SPTBN5: variants seen among roughly 807,000 people sequenced by gnomAD.
The protein encoded by SPTBN5 is spectrin beta, non-erythrocytic 5.
Under a neutral mutation model 477.6 loss-of-function variants are expected in SPTBN5, and 513 were observed. The observed-to-expected ratio is 1.07, with a 90% CI of 1.00 to 1.16. The LOEUF is 1.16. Ranked by LOEUF, SPTBN5 falls within the 50% of genes most tolerant of loss-of-function variation. SPTBN5 has a pLI of 0.00. For synonymous variants in SPTBN5, 2,169 were observed against 2,011.7 expected (o/e 1.08, Z -2.09); for missense variants, 5,062 against 4,731.8 (o/e 1.07, Z -2.05).
chr15:41,882,731 G>A lies in SPTBN5; in HGVS notation c.1900C>T (p.Leu634=). 3 of 1,609,408 alleles carry A rather than the reference G, an allele frequency of 1.9e-6. No individual in the cohort carries two copies. The highest frequency in any genetic ancestry group is 2.2e-5 in the South Asian group (2 of 90,292). ...LVALVRARRA[L]LEQTLQRAEF... Reference sequence around the variant, plus strand: ...GCCCGCTGCAGGGTCTGCTCCAGCAGGGCCCGCCTGAGGGACAATAGGGGC... The same window carrying A: ...GCCCGCTGCAGGGTCTGCTCCAGCAAGGCCCGCCTGAGGGACAATAGGGGC... The change falls in exon 10 of 68, where the codon CTG becomes TTG. Residue 634 remains leucine (L), a synonymous_variant. Transcript: ENST00000320955.
rs763187557 is a variant in SPTBN5 at position 41,853,739 on chromosome 15, C to A, written c.9823G>T (p.Ala3275Ser). 1.9e-6 allele frequency: 3 copies of A among 1,584,554 alleles called. No individual in the cohort carries two copies. The highest frequency in any genetic ancestry group is 3.6e-5 in the Admixed American group (2 of 56,056). The change falls in exon 58 of 68, where the codon GCC becomes TCC. Residue 3275 changes from alanine (A) to serine (S), a missense_variant. Ala to Ser is a moderately conservative substitution (Grantham distance 99). Transcript: ENST00000320955. ...EKEVARLQTE[A>S]CRLGQLHPAA... ...GGATGTAGCTGGCCCAGTCGGCAGG[C>A]CTCCGTCTGTAGCCGTGCCACCTCC...
intron 66 of SPTBN5, 143 bp downstream of exon 66, chr15:41,850,711 G>C: frequency 1.3e-6 from 1 of 752,280 alleles, no homozygotes; most frequent in Non-Finnish European, 2.1e-6. Flanking sequence ...TAAATTCTTT[G>C]AGGAAAAACA....
At chr15:41,858,864 C>G in intron 48 of SPTBN5, 26 bp downstream of exon 48, 1 of 1,555,830 alleles carries the variant, frequency 6.4e-7, no homozygotes, top group Non-Finnish European at 8.7e-7. Flanking sequence ...CCACCATGAC[C>G]GCCTCCCTCT....
In SPTBN5 at chr15:41,857,594, G is replaced by A. The variant is rs2065964436; in HGVS notation, c.8343C>T (p.Ala2781=). 3.1e-6 allele frequency: 5 copies of A among 1,608,946 alleles called. No homozygotes were observed. Among genetic ancestry groups the A allele is most frequent in the African/African-American group, 1.3e-5 (1 of 74,890 alleles). ...TCACCTCACAGGCCTTCTGGAGCTT[G>A]GCCACCTTCTTCTGGGAGTTGTCTT... is the stretch of plus-strand genomic sequence containing the variant. ...ELQDNSQKKV[A]KLQKACEALR... is the part of the protein sequence containing the mutation. The change falls in exon 50 of 68, where the codon GCC becomes GCT. Residue 2781 remains alanine (A), a synonymous_variant. Coordinates refer to ENST00000320955, the MANE Select transcript of SPTBN5 (RefSeq NM_016642.4).
Position 41,890,120 on chromosome 15 carries a change from C to A in SPTBN5, c.470G>T (p.Arg157Leu). 1 of 1,612,792 alleles carries A rather than the reference C, an allele frequency of 6.2e-7. No homozygotes were observed. Among genetic ancestry groups the A allele is most frequent in the East Asian group, 2.2e-5 (1 of 44,852 alleles). ...CAAGGAGATGTGGGAGATCTGGAAACGCAGAATGATGACCCAGATGAGTCC... is the reference window on the plus strand; with the variant it reads ...CAAGGAGATGTGGGAGATCTGGAAAAGCAGAATGATGACCCAGATGAGTCC... ...ILGLIWVIIL[R>L]FQISHISLDK... is the part of the protein sequence containing the mutation. Residue 157 changes from arginine (R) to leucine (L), a missense_variant, in exon 4 of 68, where the codon CGT becomes CTT. Physicochemically the swap from Arg to Leu is moderately radical, Grantham distance 102. Coordinates refer to ENST00000320955, the MANE Select transcript of SPTBN5 (RefSeq NM_016642.4).
chr15:41,854,011 A>T, intron 57 of SPTBN5, 39 bp downstream of exon 57: 1 of 1,527,684 alleles, frequency 6.5e-7, no homozygotes, highest in South Asian at 1.2e-5. Context: ...GCCTTCGGGC[A>T]GGGGCTCAGA....
intron 63 of SPTBN5, 150 bp from the exon 64 acceptor site, chr15:41,851,519 C>T (rs1023458140): frequency 8.6e-6 from 5 of 579,612 alleles, no homozygotes; most frequent in Non-Finnish European, 1.5e-5. Flanking sequence ...CACAGAGGGG[C>T]TCTGACGGGA....
At chr15:41,885,217 G>A (rs1423198175) in intron 7 of SPTBN5, among the ~76,000 whole-genome samples, 4 of 152,188 alleles carry the variant, frequency 2.6e-5, no homozygotes, top group Non-Finnish European at 4.4e-5. Flanking sequence ...TGGAAACGGG[G>A]TTTTGCCATG....
At chr15:41,874,193 G>A (rs1299510488) in intron 24 of SPTBN5, 99 bp downstream of exon 24, 7 of 1,515,386 alleles carry the variant, frequency 4.6e-6, no homozygotes, top group African/African-American at 4.1e-5. Context: ...ATACCCAGGG[G>A]TGAGGGCTTA....
chr15:41,886,587 TC>T (rs1171832853), intron 6 of SPTBN5, among the ~76,000 whole-genome samples: 2 of 152,216 alleles, frequency 1.3e-5, no homozygotes, highest in African/African-American at 4.8e-5. Flanking sequence ...GGTGAGGCTA[TC>T]CTGCCTTCTT....
At chr15:41,865,035 C>T (rs569759385) in intron 39 of SPTBN5, among the ~76,000 whole-genome samples, 4 of 152,238 alleles carry the variant, frequency 2.6e-5, no homozygotes, top group African/African-American at 9.6e-5. Flanking sequence ...TCTGGCACAG[C>T]GTCTGTGAAA....
chr15:41,884,367 G>A (rs947002279), intron 7 of SPTBN5, among the ~76,000 whole-genome samples: 12 of 152,006 alleles, frequency 7.9e-5, no homozygotes, highest in East Asian at 1.9e-4. Flanking sequence ...TGATCCACCC[G>A]CCTTGGCCTC....
intron 23 of SPTBN5, 26 bp downstream of exon 23, chr15:41,874,816 C>T (rs1425541127): frequency 6.3e-7 from 1 of 1,586,526 alleles, no homozygotes; most frequent in African/African-American, 1.3e-5. Flanking sequence ...GAGTGACACA[C>T]AGGTGGGTGG....
chr15:41,883,975 T>G (rs2067067169), intron 7 of SPTBN5, among the ~76,000 whole-genome samples: 1 of 151,026 alleles, frequency 6.6e-6, no homozygotes, highest in African/African-American at 2.4e-5. Flanking sequence ...ATTTTTATTT[T>G]TATTTTTATT....
In SPTBN5 at chr15:41,852,917, C is replaced by A; in HGVS notation, c.10254G>T (p.Glu3418Asp). 1 of 1,600,556 alleles carries A rather than the reference C, an allele frequency of 6.2e-7. No homozygotes were observed. ...AWALRWQRCA[E>D]SWGLQKLRQR... ...GCCGAAGCTTCTGCAGGCCCCAGCT[C>A]TCGGCACAGCGTTGCCAGCGCAGGG... is the stretch of plus-strand genomic sequence containing the variant. Residue 3418 changes from glutamate to aspartate, a missense_variant, in exon 60 of 68, where the codon GAG becomes GAT. Transcript: ENST00000320955.
chr15:41,875,445 C>T lies in SPTBN5; in HGVS notation c.4287+13G>A. ...CGTCTCCCTCTTGTGCCCTGTCCCT[C>T]TTCCCAGTGGACCTGCAGCTGCCTC... On this transcript the variant is annotated intron_variant, in intron 22 of 67. Transcript: ENST00000320955. 3 of 1,609,370 alleles carry T rather than the reference C, an allele frequency of 1.9e-6. No individual in the cohort carries two copies. The highest frequency in any genetic ancestry group is 2.5e-6 in the Non-Finnish European group (3 of 1,178,856).
intron 45 of SPTBN5, 31 bp from the exon 46 acceptor site, chr15:41,861,527 C>T (rs750462118): frequency 7.3e-5 from 118 of 1,606,256 alleles, no homozygotes; most frequent in Middle Eastern, 1.6e-4. Flanking sequence ...AAGAGACAGT[C>T]GGTGGAGGGT....
intron 13 of SPTBN5, 33 bp from the exon 14 acceptor site, chr15:41,880,345 G>C: frequency 6.4e-7 from 1 of 1,566,062 alleles, no homozygotes; most frequent in Non-Finnish European, 8.6e-7. Flanking sequence ...TGGGGTGAGG[G>C]TCAGGGCCCC....
intron 41 of SPTBN5, 38 bp from the exon 42 acceptor site, chr15:41,862,941 T>TA: frequency 1.3e-6 from 2 of 1,537,414 alleles, no homozygotes; most frequent in Non-Finnish European, 8.8e-7. Flanking sequence ...GCTGGGCCTT[T>TA]GCTTCGGCTC....
Sources: allele counts gnomAD v4.1 joint callset (sites outside exome capture counted in the v4.1 genomes callset), GRCh38; gene constraint gnomAD v4.1.1; transcripts MANE v1.5; gene names NCBI Gene and HGNC (gene_info 2026-07-23, HGNC 2026-07-21).